ENOX1: variants seen among roughly 807,000 people sequenced by gnomAD.
ENOX1 encodes the protein ecto-NOX disulfide-thiol exchanger 1.
A neutral mutation model predicts 82.5 loss-of-function variants in ENOX1; 42 were observed. The observed-to-expected ratio is 0.51, with a 90% CI of 0.40 to 0.66. The LOEUF is 0.66. Among genes scored for constraint, ENOX1 ranks in the 30% least tolerant of loss-of-function variants. The pLI, the probability that ENOX1 is intolerant of heterozygous loss-of-function variation, is 0.00. For synonymous variants in ENOX1, 271 were observed against 282.2 expected, an observed-to-expected ratio of 0.96 and a Z score of 0.40; for missense variants, 608 against 811.6, an observed-to-expected ratio of 0.75 and a Z score of 3.05.
chr13:43,434,936 G>GTT (rs1259674451), intron 3 of ENOX1, among the ~76,000 whole-genome samples: 4 of 67,838 alleles, frequency 5.9e-5, no homozygotes, highest in African/African-American at 9.0e-5. Flanking sequence ...GTGTGTGTGT[G>GTT]GTTTTTTTTT....
At chr13:43,414,367 A>C (rs2054317570) in intron 3 of ENOX1, among the ~76,000 whole-genome samples, 1 of 152,210 alleles carries the variant, frequency 6.6e-6, no homozygotes, top group African/African-American at 2.4e-5. Context: ...ACAGTGAATG[A>C]TTCTAACTTT....
At chr13:43,447,972 T>A (rs1469057635) in intron 3 of ENOX1, among the ~76,000 whole-genome samples, 1 of 152,262 alleles carries the variant, frequency 6.6e-6, no homozygotes, top group African/African-American at 2.4e-5. Flanking sequence ...GTCCTAGCCG[T>A]GGTTCCTGAC....
chr13:43,733,557 C>A lies in ENOX1; in HGVS notation c.-285+53095G>T, dbSNP rs1483997086. On this transcript the variant is annotated intron_variant, in intron 1 of 16. Transcript: ENST00000690772. ...GAAAAAGACCTAGTTTTTCAATACA[C>A]CAAAAGCACTGCCCTTTAAAAAGCC... Among the ~76,000 whole-genome samples, 5 of 152,122 alleles carry A rather than the reference C, an allele frequency of 3.3e-5. No homozygotes were observed. In the South Asian group the frequency reaches 6.2e-4, roughly 19 times the overall value.
intron 5 of ENOX1, among the ~76,000 whole-genome samples, chr13:43,368,370 T>G (rs571193253): frequency 2.6e-5 from 4 of 152,154 alleles, no homozygotes; most frequent in Non-Finnish European, 5.9e-5. Flanking sequence ...AAATATGACA[T>G]GACACGAAGC....
intron 3 of ENOX1, among the ~76,000 whole-genome samples, chr13:43,446,576 C>G (rs1007631372): frequency 6.6e-6 from 1 of 152,214 alleles, no homozygotes; most frequent in Non-Finnish European, 1.5e-5. Flanking sequence ...TCTCTCCTAA[C>G]TGGCTACCTC....
At chr13:43,586,771 T>C (rs2081007397) in intron 2 of ENOX1, among the ~76,000 whole-genome samples, 1 of 152,018 alleles carries the variant, frequency 6.6e-6, no homozygotes, top group Non-Finnish European at 1.5e-5. Context: ...AGGTGCAAGA[T>C]TTAAGAAATA....
At chr13:43,564,656 ACT>A (rs933533377) in intron 2 of ENOX1, among the ~76,000 whole-genome samples, 1 of 152,132 alleles carries the variant, frequency 6.6e-6, no homozygotes, top group African/African-American at 2.4e-5. Flanking sequence ...AACATCTCAA[ACT>A]CTGTTTATTT....
In ENOX1 at chr13:43,510,199, T is replaced by A. The variant is rs1284891212; in HGVS notation, c.-218-26047A>T. Among the ~76,000 whole-genome samples the A allele has an allele frequency of 2.6e-5, 4 of 152,188 alleles. 1 individual carries two copies. The Middle Eastern group carries it at 0.01, about 388-fold the overall frequency. On this transcript the variant is annotated intron_variant, in intron 2 of 16. Transcript: ENST00000690772. ...CAAAAAGAGCCTCCAGATCAATCCA[T>A]GTGAGATTTTACAGGCCTTCTAGAA...
At chr13:43,772,569 T>G (rs1951694313) in intron 1 of ENOX1, among the ~76,000 whole-genome samples, 1 of 151,856 alleles carries the variant, frequency 6.6e-6, no homozygotes, top group Non-Finnish European at 1.5e-5. Flanking sequence ...GCCAACATGG[T>G]GAAACCCTGT....
At chr13:43,747,934 C>T (rs1249541544) in intron 1 of ENOX1, among the ~76,000 whole-genome samples, 1 of 152,172 alleles carries the variant, frequency 6.6e-6, no homozygotes, top group African/African-American at 2.4e-5. Flanking sequence ...GGAATTTAGA[C>T]AACAAATCAT....
intron 2 of ENOX1, among the ~76,000 whole-genome samples, chr13:43,489,381 T>C (rs1448090886): frequency 3.3e-5 from 5 of 152,182 alleles, no homozygotes; most frequent in Non-Finnish European, 7.3e-5. Context: ...AGCCTCCATA[T>C]GGTCGTAATT....
At chr13:43,485,248 C>T (rs1348558995) in intron 2 of ENOX1, among the ~76,000 whole-genome samples, 1 of 152,176 alleles carries the variant, frequency 6.6e-6, no homozygotes, top group Non-Finnish European at 1.5e-5. Flanking sequence ...CCCCCTGCAA[C>T]TTACCCACCA....
At chr13:43,486,127 G>A (rs1593440492) in intron 2 of ENOX1, among the ~76,000 whole-genome samples, 2 of 152,178 alleles carry the variant, frequency 1.3e-5, no homozygotes, top group South Asian at 4.1e-4. Context: ...GGAGAATGGT[G>A]TGAACCCGGG....
Position 43,275,063 on chromosome 13 carries a change from T to C in ENOX1, c.1447-5486A>G, listed in dbSNP as rs558853590. Among the ~76,000 whole-genome samples the C allele has an allele frequency of 3.9e-5, 6 of 152,290 alleles. No individual in the cohort carries two copies. The Middle Eastern group carries it at 0.01, about 259-fold the overall frequency. On this transcript the variant is annotated intron_variant, in intron 12 of 16. Coordinates refer to ENST00000690772, the MANE Select transcript of ENOX1 (RefSeq NM_001347969.2). Reference sequence around the variant, plus strand: ...TTCCTACCTCAACCCGTGGTTTCTATCCTGGCAATCACACTGCACTGTGAA... The same window carrying C: ...TTCCTACCTCAACCCGTGGTTTCTACCCTGGCAATCACACTGCACTGTGAA...
At chr13:43,390,286 T>C (rs1442833592) in intron 5 of ENOX1, among the ~76,000 whole-genome samples, 2 of 152,192 alleles carry the variant, frequency 1.3e-5, no homozygotes, top group Non-Finnish European at 2.9e-5. Context: ...ACTGACTCTT[T>C]AGGAGGAGAA....
rs2053587064 is a variant in ENOX1 at position 43,403,072 on chromosome 13, C to CA, written c.208+8843dup. 2.6e-5 allele frequency among the ~76,000 whole-genome samples: 4 copies of CA among 151,930 alleles called. No homozygotes were observed. The South Asian group carries it at 8.3e-4, about 32-fold the overall frequency. On this transcript the variant is annotated intron_variant, in intron 5 of 16. Coordinates refer to ENST00000690772, the MANE Select transcript of ENOX1 (RefSeq NM_001347969.2). ...ATATATTTAATACATGTACATATGTCAATATGCATGCAATTATTTAAAAAT... is the reference window on the plus strand; with the variant it reads ...ATATATTTAATACATGTACATATGTCAAATATGCATGCAATTATTTAAAAAT...
chr13:43,721,455 T>G (rs57720419), intron 1 of ENOX1, among the ~76,000 whole-genome samples: 1 of 135,982 alleles, frequency 7.4e-6, no homozygotes. Context: ...CTCGGCTCAC[T>G]GCAAGCTCCG....
chr13:43,573,315 G>C (rs946983094), intron 2 of ENOX1, among the ~76,000 whole-genome samples: 2 of 152,088 alleles, frequency 1.3e-5, no homozygotes, highest in African/African-American at 4.8e-5. Context: ...CTGCAACCAA[G>C]AAGGCACTGA....
chr13:43,506,217 C>CA (rs1384781594), intron 2 of ENOX1, among the ~76,000 whole-genome samples: 9 of 151,666 alleles, frequency 5.9e-5, no homozygotes, highest in Non-Finnish European at 5.9e-5. Flanking sequence ...CTTATGCAGC[C>CA]AAAAAACACC....
Sources: allele counts gnomAD v4.1 joint callset (sites outside exome capture counted in the v4.1 genomes callset), GRCh38; gene constraint gnomAD v4.1.1; transcripts MANE v1.5; gene names NCBI Gene and HGNC (gene_info 2026-07-23, HGNC 2026-07-21).